The following MYO9A variants were observed in gnomAD, a reference collection of about 807,000 sequenced individuals.
MYO9A encodes the protein myosin IXA.
In MYO9A, 103 loss-of-function variants were observed where a neutral mutation model predicts 293.3. The ratio of observed to expected loss-of-function variants is 0.35; its 90% confidence interval spans 0.30 to 0.41. MYO9A has a LOEUF of 0.41. MYO9A is among the 10% of genes least tolerant of loss of function. The pLI, the probability that MYO9A is intolerant of heterozygous loss-of-function variation, is 1.00. For missense variants in MYO9A, 2,685 were observed against 3,033.0 expected (o/e 0.89, Z 2.69); for synonymous variants, 1,001 against 1,035.7 (o/e 0.97, Z 0.64).
chr15:71,994,145 T>C (rs1413917819), intron 10 of MYO9A, among the ~76,000 whole-genome samples: 1 of 152,112 alleles, frequency 6.6e-6, no homozygotes, highest in African/African-American at 2.4e-5. Flanking sequence ...CAGGTCCAGA[T>C]ATATAATGAG....
At chr15:72,043,523 T>G (rs754847594) in intron 2 of MYO9A, among the ~76,000 whole-genome samples, 9 of 152,204 alleles carry the variant, frequency 5.9e-5, no homozygotes, top group African/African-American at 2.2e-4. Context: ...GAATGTATTA[T>G]CGACATATGC....
intron 9 of MYO9A, among the ~76,000 whole-genome samples, chr15:71,995,693 T>C (rs2076679650): frequency 6.6e-6 from 1 of 152,122 alleles, no homozygotes; most frequent in Non-Finnish European, 1.5e-5. Context: ...TATATTCAGG[T>C]ACATATTTAT....
chr15:72,038,003 T>C (rs1260714907), intron 2 of MYO9A, among the ~76,000 whole-genome samples: 2 of 151,438 alleles, frequency 1.3e-5, no homozygotes, highest in Admixed American at 1.3e-4. Flanking sequence ...GAGCCTCAAC[T>C]TCCTGAGCTC....
intron 2 of MYO9A, among the ~76,000 whole-genome samples, chr15:72,037,804 T>C (rs1483526490): frequency 3.3e-5 from 5 of 151,990 alleles, no homozygotes; most frequent in African/African-American, 7.2e-5. Flanking sequence ...TTAAGAGACA[T>C]GCAAAAAAGT....
intron 34 of MYO9A, among the ~76,000 whole-genome samples, chr15:71,855,287 C>T (rs1404290174): frequency 6.6e-6 from 1 of 152,186 alleles, no homozygotes; most frequent in Non-Finnish European, 1.5e-5. Flanking sequence ...AGGCACATGA[C>T]ACCACGCCCA....
At chr15:71,985,233 T>C (rs907197601) in intron 11 of MYO9A, among the ~76,000 whole-genome samples, 7 of 152,176 alleles carry the variant, frequency 4.6e-5, no homozygotes, top group Non-Finnish European at 1.0e-4. Context: ...TTTCTCGTGG[T>C]TTTTATTCAT....
intron 3 of MYO9A, 127 bp from the exon 4 acceptor site, chr15:72,027,920 G>C: frequency 1.5e-6 from 1 of 662,850 alleles, no homozygotes; most frequent in Non-Finnish European, 2.5e-6. Context: ...GCCATTGGCC[G>C]GGCGAGGTGG....
At chr15:72,011,409 C>T (rs2077170002) in intron 6 of MYO9A, among the ~76,000 whole-genome samples, 1 of 151,516 alleles carries the variant, frequency 6.6e-6, no homozygotes, top group Admixed American at 6.6e-5. Context: ...GGTAATCAAA[C>T]AAGGAAAGAA....
Position 71,859,763 on chromosome 15 carries a change from A to G in MYO9A, c.6125T>C (p.Leu2042Pro), listed in dbSNP as rs2056036015. Residue 2042 changes from leucine (L) to proline (P), a missense_variant, in exon 34 of 42, where the codon CTG becomes CCG. By Grantham distance (98) the Leu-to-Pro change is moderately conservative. Transcript: ENST00000356056. ...CKYACHKKCC[L>P]KTTAKCSKKY... ...TTTAGAGCACTTGGCTGTGGTTTTCAGACAGCACTTCTTATGGCAAGCATA... is the reference window on the plus strand; with the variant it reads ...TTTAGAGCACTTGGCTGTGGTTTTCGGACAGCACTTCTTATGGCAAGCATA... 2 of 1,613,384 alleles carry G rather than the reference A, an allele frequency of 1.2e-6. No homozygotes were observed. The highest frequency in any genetic ancestry group is 1.7e-6 in the Non-Finnish European group (2 of 1,179,694).
intron 3 of MYO9A, among the ~76,000 whole-genome samples, chr15:72,029,347 T>C (rs956728475): frequency 6.6e-6 from 1 of 152,212 alleles, no homozygotes; most frequent in Non-Finnish European, 1.5e-5. Flanking sequence ...AGTGCACTTA[T>C]ACAACCCTGA....
At chr15:71,904,897 A>G (rs1409813538) in intron 20 of MYO9A, 29 bp downstream of exon 20, 19 of 1,524,066 alleles carry the variant, frequency 1.2e-5, no homozygotes, top group Non-Finnish European at 1.6e-5. Context: ...AAGCTGAGAT[A>G]TGTGCTCTCA....
intron 15 of MYO9A, among the ~76,000 whole-genome samples, chr15:71,944,109 A>G (rs2058849634): frequency 6.6e-6 from 1 of 152,070 alleles, no homozygotes; most frequent in South Asian, 2.1e-4. Context: ...ATAATGAAAA[A>G]GTTGAACATC....
chr15:72,113,233 A>G (rs2080846786), intron 1 of MYO9A, among the ~76,000 whole-genome samples: 1 of 152,240 alleles, frequency 6.6e-6, no homozygotes, highest in Non-Finnish European at 1.5e-5. Flanking sequence ...GTGCTACAGG[A>G]GCACATAAGA....
intron 15 of MYO9A, among the ~76,000 whole-genome samples, chr15:71,942,606 A>T (rs995316010): frequency 1.3e-5 from 2 of 151,912 alleles, no homozygotes; most frequent in Non-Finnish European, 2.9e-5. Flanking sequence ...TTTGTTCCAC[A>T]AATTGTATAC....
At position 71,940,739 on chromosome 15, in the gene MYO9A, T is replaced by C. The variant is rs568475433; in HGVS notation, c.2303-1812A>G. On this transcript the variant is annotated intron_variant, in intron 15 of 41. Coordinates refer to ENST00000356056, the MANE Select transcript of MYO9A (RefSeq NM_006901.4). ...CTATTAAAATTCCAGATAATTATTT[T>C]TGTAGAAATGAATGAGCCAATCCTA... 1.0e-3 allele frequency among the ~76,000 whole-genome samples: 156 copies of C among 152,290 alleles called. 1 individual carries two copies. Among genetic ancestry groups the C allele is most frequent in the African/African-American group, 3.7e-3 (153 of 41,562 alleles).
intron 25 of MYO9A, among the ~76,000 whole-genome samples, chr15:71,895,940 CATT>C (rs78519331): frequency 0.2 from 30,186 of 151,870 alleles, 3,222 homozygotes; most frequent in East Asian, 0.41. Flanking sequence ...AATTAATAGA[CATT>C]AAAGAATATT....
At chr15:71,838,717 G>A (rs2140936528) in intron 39 of MYO9A, among the ~76,000 whole-genome samples, 1 of 152,196 alleles carries the variant, frequency 6.6e-6, no homozygotes, top group Admixed American at 6.5e-5. Flanking sequence ...GAAAAATCTG[G>A]ACTGGACTAC....
chr15:71,842,412 C>G (rs770274357), intron 39 of MYO9A, among the ~76,000 whole-genome samples: 1 of 151,604 alleles, frequency 6.6e-6, no homozygotes, highest in Non-Finnish European at 1.5e-5. Flanking sequence ...CTCATTTAAT[C>G]CTAAGTTTGG....
At chr15:72,071,398 A>ACT in intron 1 of MYO9A, among the ~76,000 whole-genome samples, 1 of 152,316 alleles carries the variant, frequency 6.6e-6, no homozygotes, top group Non-Finnish European at 1.5e-5. Context: ...AAAATAAGAG[A>ACT]TGTTGGCAAG....
Sources: allele counts gnomAD v4.1 joint callset (sites outside exome capture counted in the v4.1 genomes callset), GRCh38; gene constraint gnomAD v4.1.1; transcripts MANE v1.5; gene names NCBI Gene and HGNC (gene_info 2026-07-23, HGNC 2026-07-21).